Variants in SYNE2 observed in about 807,000 individuals in gnomAD.
The protein encoded by SYNE2 is nesprin-2.
SYNE2 carries 431 observed loss-of-function variants against 856.3 expected under a neutral mutation model. The ratio of observed to expected loss-of-function variants is 0.50; its 90% CI spans 0.47 to 0.55. The LOEUF (loss-of-function observed/expected upper bound fraction) is 0.55, where lower values mean the gene tolerates loss of function less well. SYNE2 is among the 20% of genes least tolerant of loss of function. The pLI is 0.00. For synonymous variants in SYNE2, 2,923 were observed against 2,872.3 expected (o/e 1.02, Z -0.56); for missense variants, 8,129 against 8,023.2 (o/e 1.01, Z -0.50).
At chr14:64,049,512 C>T (rs1233879650) in intron 46 of SYNE2, 99 bp from the exon 47 acceptor site, 4 of 1,246,538 alleles carry the variant, frequency 3.2e-6, no homozygotes, top group African/African-American at 3.0e-5. Flanking sequence ...TACCCTCTTC[C>T]TGAGATAGAG....
At chr14:64,016,186 T>C (rs1316139525) in intron 32 of SYNE2, among the ~76,000 whole-genome samples, 1 of 152,102 alleles carries the variant, frequency 6.6e-6, no homozygotes, top group African/African-American at 2.4e-5. Context: ...TAGAATCTTA[T>C]TTCACATGGA....
chr14:63,820,466 G>A (rs1430109640), intron 1 of SYNE2, among the ~76,000 whole-genome samples: 1 of 152,062 alleles, frequency 6.6e-6, no homozygotes, highest in African/African-American at 2.4e-5. Context: ...GAAAACATAG[G>A]AAAAATATTG....
At position 63,995,730 on chromosome 14, in the gene SYNE2, C is replaced by CATCTGTCT. The variant is rs1555419686; in HGVS notation, c.2940+532_2940+533insGTCTATCT. 5.5e-3 allele frequency among the ~76,000 whole-genome samples: 626 copies of CATCTGTCT among 113,524 alleles called. 8 individuals carry two copies. The highest frequency in any genetic ancestry group is 0.025 in the African/African-American group (604 of 24,360). 74.5% of individuals were successfully genotyped at this position (113,524 alleles called of 152,430 possible). A position where few individuals can be genotyped will look rare whatever the true frequency, so the allele number is the denominator to read the frequency against. ...TGCTTTATATAATTCTATATCTATCCATCTATCTATCTATCTATCTATCTA... is the reference window on the plus strand; with the variant it reads ...TGCTTTATATAATTCTATATCTATCCATCTGTCTATCTATCTATCTATCTATCTATCTA... On this transcript the variant is annotated intron_variant, in intron 23 of 115. Coordinates refer to ENST00000555002, the MANE Select transcript of SYNE2 (RefSeq NM_182914.3).
At chr14:64,152,171 G>T (rs188799944) in intron 84 of SYNE2, among the ~76,000 whole-genome samples, 2 of 152,300 alleles carry the variant, frequency 1.3e-5, no homozygotes, top group East Asian at 3.9e-4. Flanking sequence ...CTTCTTGCTC[G>T]TGATTTTATT....
At chr14:64,180,324 C>A (rs1050992660) in intron 96 of SYNE2, among the ~76,000 whole-genome samples, 1 of 152,128 alleles carries the variant, frequency 6.6e-6, no homozygotes, top group Non-Finnish European at 1.5e-5. Context: ...CTTTGATCTT[C>A]CGTAACTTTG....
intron 50 of SYNE2, among the ~76,000 whole-genome samples, chr14:64,063,153 A>C (rs1374390811): frequency 6.6e-6 from 1 of 152,096 alleles, no homozygotes; most frequent in East Asian, 1.9e-4. Context: ...AAGTGATTTG[A>C]TTCTCCTGCC....
At chr14:64,046,807 C>T (rs923415000) in intron 45 of SYNE2, among the ~76,000 whole-genome samples, 13 of 152,150 alleles carry the variant, frequency 8.5e-5, no homozygotes, top group Non-Finnish European at 1.2e-4. Flanking sequence ...CTCTGGGTGC[C>T]GAGACAGGAG....
chr14:63,929,503 G>A (rs1041512838), intron 2 of SYNE2, among the ~76,000 whole-genome samples: 1 of 152,210 alleles, frequency 6.6e-6, no homozygotes, highest in African/African-American at 2.4e-5. Context: ...AGCCGCTGTG[G>A]CTCATGCCTA....
At chr14:63,824,714 G>A (rs1487071749) in intron 1 of SYNE2, among the ~76,000 whole-genome samples, 2 of 151,698 alleles carry the variant, frequency 1.3e-5, no homozygotes, top group Non-Finnish European at 2.9e-5. Flanking sequence ...TGGAGGTGAT[G>A]CATACCCCAT....
At chr14:64,121,955 T>C in intron 68 of SYNE2, 57 bp from the exon 69 acceptor site, 1 of 1,608,692 alleles carries the variant, frequency 6.2e-7, no homozygotes, top group Non-Finnish European at 8.5e-7. Context: ...AGGAAACTAG[T>C]GGGTACTAAT....
chr14:64,045,597 T>C (rs544774023), intron 45 of SYNE2, among the ~76,000 whole-genome samples: 1 of 152,178 alleles, frequency 6.6e-6, no homozygotes, highest in Non-Finnish European at 1.5e-5. Context: ...TTCCTGGATC[T>C]TTCCCCTGTG....
intron 7 of SYNE2, among the ~76,000 whole-genome samples, chr14:63,954,008 T>C (rs940476018): frequency 6.6e-6 from 1 of 152,182 alleles, no homozygotes; most frequent in Non-Finnish European, 1.5e-5. Flanking sequence ...CAATCTCCCA[T>C]TGTCAAGTGA....
At chr14:64,149,114 C>G (rs2098216729) in intron 84 of SYNE2, among the ~76,000 whole-genome samples, 1 of 151,002 alleles carries the variant, frequency 6.6e-6, no homozygotes, top group South Asian at 2.1e-4. Context: ...TCAAAACCAG[C>G]CAGGGCAACA....
chr14:63,969,410 G>T (rs558484030), intron 11 of SYNE2, among the ~76,000 whole-genome samples: 11 of 144,980 alleles, frequency 7.6e-5, no homozygotes, highest in Non-Finnish European at 1.3e-4. Context: ...GTGCAATCTC[G>T]GCTCACTGCA....
chr14:64,016,436 C>CA, intron 32 of SYNE2, 37 bp from the exon 33 acceptor site: 1 of 1,418,090 alleles, frequency 7.1e-7, no homozygotes, highest in Non-Finnish European at 9.7e-7. Flanking sequence ...TTGTCTATAT[C>CA]AAAATATCAG....
chr14:64,191,075 T>C (rs570802059), intron 99 of SYNE2: 1 of 702,036 alleles, frequency 1.4e-6, no homozygotes, highest in Admixed American at 2.0e-5. Flanking sequence ...ATTTGGAATA[T>C]ACAGGAGAAC....
At position 64,028,523 on chromosome 14, in the gene SYNE2, T is replaced by C. The variant is rs190252100; in HGVS notation, c.6714+730T>C. ...TCCTGCCTCAGCCTCTGGAATAGCT[T>C]GGATGACCTGCGCGAGCCACTGCAC... On this transcript the variant is annotated intron_variant, in intron 43 of 115. Transcript: ENST00000555002. 6.6e-4 allele frequency among the ~76,000 whole-genome samples: 100 copies of C among 152,216 alleles called. 1 individual carries two copies. The highest frequency in any genetic ancestry group is 2.0e-3 in the African/African-American group (85 of 41,540).
chr14:63,983,802 T>C lies in SYNE2; in HGVS notation c.2067T>C (p.Ile689=), dbSNP rs375396479. Residue 689 remains isoleucine, a synonymous_variant, in exon 18 of 116, where the codon ATT becomes ATC. Transcript: ENST00000555002. ...CCACTTTTGACAATTCTGGAAATAT[T>C]CTATCTAAAGAAGAGAAAGCAACTG... The part of the protein sequence containing the change: ...DQPTFDNSGN[I]LSKEEKATVE... 11 of 1,611,958 alleles carry C rather than the reference T, an allele frequency of 6.8e-6. No individual in the cohort carries two copies. Among genetic ancestry groups the C allele is most frequent in the Admixed American group, 1.7e-5 (1 of 59,984 alleles).
At chr14:64,115,377 G>C (rs1226016680) in intron 66 of SYNE2, among the ~76,000 whole-genome samples, 1 of 152,146 alleles carries the variant, frequency 6.6e-6, no homozygotes, top group Non-Finnish European at 1.5e-5. Flanking sequence ...ACCACCCAGA[G>C]GGGGAGGAAG....
Sources: allele counts gnomAD v4.1 joint callset (sites outside exome capture counted in the v4.1 genomes callset), GRCh38; gene constraint gnomAD v4.1.1; transcripts MANE v1.5; gene names NCBI Gene and HGNC (gene_info 2026-07-23, HGNC 2026-07-21).